Variants in PAX5 observed in about 807,000 individuals in gnomAD.
PAX5 encodes paired box protein Pax-5.
A neutral mutation model predicts 43.7 loss-of-function variants in PAX5; 9 were observed. The ratio of observed to expected loss-of-function variants is 0.21; its 90% CI spans 0.12 to 0.36. The LOEUF (loss-of-function observed/expected upper bound fraction) is 0.36. Among genes scored for constraint, PAX5 ranks in the 10% least tolerant of loss-of-function variants. PAX5 has a pLI of 1.00. For missense variants in PAX5, 383 were observed against 532.7 expected (o/e 0.72, Z 2.77); for synonymous variants, 228 against 214.3 (o/e 1.06, Z -0.56).
intron 8 of PAX5, among the ~76,000 whole-genome samples, chr9:36,852,913 A>G (rs1196854493): frequency 6.6e-6 from 1 of 152,206 alleles, no homozygotes; most frequent in Non-Finnish European, 1.5e-5. Flanking sequence ...CATCCCAAGG[A>G]ACACCTCGTT....
chr9:36,888,617 T>C (rs767968001), intron 7 of PAX5, among the ~76,000 whole-genome samples: 1 of 152,156 alleles, frequency 6.6e-6, no homozygotes, highest in Non-Finnish European at 1.5e-5. Context: ...GGGCTGGGGC[T>C]GGGAAATGCT....
rs137870876 is a variant in PAX5 at position 36,966,691 on chromosome 9, G to C, written c.638C>G (p.Ser213Trp). Residue 213 changes from serine (S) to tryptophan (W), a missense_variant, in exon 6 of 10, where the codon TCG becomes TGG. Coordinates refer to ENST00000358127, the MANE Select transcript of PAX5 (RefSeq NM_016734.3). Reference sequence around the variant, plus strand: ...CCGGAGGAAGTCTCTGCCCGGAAGCGAGTGGCCGTTCGGCACCGGAGACTC... The same window carrying C: ...CCGGAGGAAGTCTCTGCCCGGAAGCCAGTGGCCGTTCGGCACCGGAGACTC... ...IQESPVPNGH[S>W]LPGRDFLRKQ... The C allele has an allele frequency of 2.5e-6, 4 of 1,614,200 alleles. No homozygotes were observed. The East Asian group carries it at 8.9e-5, about 36-fold the overall frequency.
intron 8 of PAX5, among the ~76,000 whole-genome samples, chr9:36,860,709 C>G (rs1170240298): frequency 6.6e-6 from 1 of 152,146 alleles, no homozygotes; most frequent in Non-Finnish European, 1.5e-5. Context: ...GAAATGGGGC[C>G]CCTAAGGAGA....
At chr9:36,879,878 G>A (rs553419456) in intron 8 of PAX5, among the ~76,000 whole-genome samples, 1 of 152,306 alleles carries the variant, frequency 6.6e-6, no homozygotes, top group Admixed American at 6.5e-5. Flanking sequence ...AAGGGGAAGG[G>A]TGGTGTGTGT....
Position 36,900,342 on chromosome 9 carries a change from C to T in PAX5, c.911-18237G>A, listed in dbSNP as rs563797990. Among the ~76,000 whole-genome samples, 29 of 152,304 alleles carry T rather than the reference C, an allele frequency of 1.9e-4. No homozygotes were observed. The South Asian group carries it at 2.7e-3, about 14-fold the overall frequency. ...AGTGGTGACATCCGGTGTCCAGCGA[C>T]GGTTGTGTGAACCAAAGGGTCTGCG... On this transcript the variant is annotated intron_variant, in intron 7 of 9. Coordinates refer to ENST00000358127, the MANE Select transcript of PAX5 (RefSeq NM_016734.3).
At chr9:37,007,602 A>T (rs1838542564) in intron 3 of PAX5, 1 of 152,204 alleles carries the variant, frequency 6.6e-6, no homozygotes, top group Admixed American at 6.5e-5. Context: ...TTGGGAGAAG[A>T]GTGGGTCATA....
chr9:37,004,393 T>A (rs1737883702), intron 4 of PAX5, among the ~76,000 whole-genome samples: 1 of 152,200 alleles, frequency 6.6e-6, no homozygotes, highest in Non-Finnish European at 1.5e-5. Context: ...CAGACACACT[T>A]CCTTGGGCTA....
intron 7 of PAX5, among the ~76,000 whole-genome samples, chr9:36,919,714 G>T (rs1007836639): frequency 1.5e-4 from 23 of 151,764 alleles, no homozygotes; most frequent in Admixed American, 6.6e-5. Flanking sequence ...GGTGGTGGGT[G>T]CCTGTAATCC....
At chr9:36,915,754 G>T (rs548083139) in intron 7 of PAX5, among the ~76,000 whole-genome samples, 36 of 150,006 alleles carry the variant, frequency 2.4e-4, no homozygotes, top group African/African-American at 7.3e-4. Context: ...GTTTAAAAAA[G>T]ACTTTTCCCA....
At chr9:36,980,810 T>C (rs1417275998) in intron 5 of PAX5, among the ~76,000 whole-genome samples, 1 of 151,896 alleles carries the variant, frequency 6.6e-6, no homozygotes, top group Non-Finnish European at 1.5e-5. Flanking sequence ...TCACTGGAGG[T>C]AGGGGAGAAA....
intron 6 of PAX5, among the ~76,000 whole-genome samples, chr9:36,960,062 A>T (rs998930756): frequency 1.2e-4 from 18 of 152,282 alleles, no homozygotes; most frequent in Admixed American, 3.3e-4. Context: ...AACCCAATAT[A>T]TTTATGAGCT....
At chr9:36,981,489 T>A (rs1835945972) in intron 5 of PAX5, among the ~76,000 whole-genome samples, 1 of 145,262 alleles carries the variant, frequency 6.9e-6, no homozygotes, top group South Asian at 2.2e-4. Flanking sequence ...GCTGCTCCGG[T>A]GTGACCTCCT....
At chr9:36,919,266 A>C (rs1829950456) in intron 7 of PAX5, among the ~76,000 whole-genome samples, 1 of 152,184 alleles carries the variant, frequency 6.6e-6, no homozygotes, top group Non-Finnish European at 1.5e-5. Flanking sequence ...GAAAAAAAAA[A>C]AGATTCTTTT....
At chr9:36,871,454 C>A (rs1825487239) in intron 8 of PAX5, among the ~76,000 whole-genome samples, 1 of 152,192 alleles carries the variant, frequency 6.6e-6, no homozygotes. Context: ...GCTGGGAGAA[C>A]CTTTAAGCCC....
chr9:36,968,131 G>C (rs1054953371), intron 5 of PAX5, among the ~76,000 whole-genome samples: 1 of 152,176 alleles, frequency 6.6e-6, no homozygotes, highest in East Asian at 1.9e-4. Flanking sequence ...CCAGAGGTGA[G>C]GCATCTGCCT....
intron 8 of PAX5, among the ~76,000 whole-genome samples, chr9:36,873,682 G>A (rs1825682684): frequency 6.6e-6 from 1 of 152,214 alleles, no homozygotes; most frequent in Admixed American, 6.5e-5. Context: ...TTAGGTCACG[G>A]AGGTGCCTGG....
rs115222180 is a variant in PAX5, at chr9:36,995,657, G to C, written c.604+6991C>G. Among the ~76,000 whole-genome samples, 1,244 of 152,280 alleles carry C rather than the reference G, an allele frequency of 8.2e-3. 15 individuals are homozygous for C. Among genetic ancestry groups the C allele is most frequent in the African/African-American group, 0.027 (1,140 of 41,552 alleles). Reference sequence around the variant, plus strand: ...CATCCTCTCTCTCTAGGTTTTGGGGGTTTTGCTGTGTGATCTGGGCAGACC... The same window carrying C: ...CATCCTCTCTCTCTAGGTTTTGGGGCTTTTGCTGTGTGATCTGGGCAGACC... On this transcript the variant is annotated intron_variant, in intron 5 of 9. Transcript: ENST00000358127.
chr9:36,913,935 G>C (rs1372084540), intron 7 of PAX5, among the ~76,000 whole-genome samples: 2 of 152,184 alleles, frequency 1.3e-5, no homozygotes, highest in African/African-American at 2.4e-5. Flanking sequence ...CGCTAACACA[G>C]GTGGAGTTAG....
chr9:36,982,313 G>C (rs1323472907), intron 5 of PAX5, among the ~76,000 whole-genome samples: 1 of 151,976 alleles, frequency 6.6e-6, no homozygotes, highest in Non-Finnish European at 1.5e-5. Context: ...AAAAGAACAA[G>C]ATGTGTACAA....
Sources: allele counts gnomAD v4.1 joint callset (sites outside exome capture counted in the v4.1 genomes callset), GRCh38; gene constraint gnomAD v4.1.1; transcripts MANE v1.5; gene names NCBI Gene and HGNC (gene_info 2026-07-23, HGNC 2026-07-21).